Variants in SF3B3 observed in about 807,000 individuals in gnomAD.
The protein encoded by SF3B3 is splicing factor 3b subunit 3.
A neutral mutation model predicts 139.2 loss-of-function variants in SF3B3; 33 were observed. That is an observed-to-expected ratio of 0.24 (90% CI 0.18 to 0.32). SF3B3 has a LOEUF of 0.32. Among genes scored for constraint, SF3B3 ranks in the 10% least tolerant of loss-of-function variants. The pLI is 1.00. For synonymous variants in SF3B3, 596 were observed against 563.6 expected, an observed-to-expected ratio of 1.06 and a Z score of -0.81; for missense variants, 818 against 1,509.4, an observed-to-expected ratio of 0.54 and a Z score of 7.59.
intron 11 of SF3B3, among the ~76,000 whole-genome samples, chr16:70,553,780 A>C (rs532790036): frequency 1.2e-4 from 18 of 152,328 alleles, no homozygotes; most frequent in African/African-American, 3.1e-4. Context: ...AATTAGAAAA[A>C]GCAAATTCTA....
intron 11 of SF3B3, 47 bp from the exon 12 acceptor site, chr16:70,554,399 A>T (rs754316300): frequency 1.3e-6 from 2 of 1,591,758 alleles, no homozygotes. Flanking sequence ...TGGCTTTGTA[A>T]TTCTAATGAG....
intron 2 of SF3B3, among the ~76,000 whole-genome samples, chr16:70,528,122 A>C (rs1159891274): frequency 6.9e-6 from 1 of 144,352 alleles, no homozygotes; most frequent in African/African-American, 2.5e-5. Flanking sequence ...TCCTTTTCCA[A>C]TTCAGTCTTC....
At chr16:70,553,463 G>A (rs1231480272) in intron 11 of SF3B3, among the ~76,000 whole-genome samples, 1 of 152,150 alleles carries the variant, frequency 6.6e-6, no homozygotes, top group Non-Finnish European at 1.5e-5. Flanking sequence ...GTGGTGCCTT[G>A]TCTTGTTCTG....
At chr16:70,545,989 GTTGTTT>G (rs1393338698) in intron 10 of SF3B3, among the ~76,000 whole-genome samples, 1 of 152,102 alleles carries the variant, frequency 6.6e-6, no homozygotes, top group African/African-American at 2.4e-5. Flanking sequence ...TTTTGTTGTT[GTTGTTT>G]TTGTTTTTGT....
rs1254254982 is a variant in SF3B3 at position 70,538,429 on chromosome 16, T to G, written c.932T>G (p.Phe311Cys). ...GCTCAAACTGAGCAGGGAGATATCTTTAAGATCACTTTGGAGACAGATGAA... is the reference window on the plus strand; with the variant it reads ...GCTCAAACTGAGCAGGGAGATATCTGTAAGATCACTTTGGAGACAGATGAA... ...FLAQTEQGDI[F>C]KITLETDEDM... The change falls in exon 7 of 26, where the codon TTT (phenylalanine) becomes TGT (cysteine). Residue 311 changes from phenylalanine to cysteine, a missense_variant. By Grantham distance (205) the Phe-to-Cys change is radical (BLOSUM62 -2). Around this residue, in one of 14 missense-constraint regions of SF3B3, gnomAD observed 80 missense variants for 206.5 expected, o/e 0.39. Transcript: ENST00000302516. 1 of 1,613,808 alleles carries G rather than the reference T, an allele frequency of 6.2e-7. No individual in the cohort carries two copies. Among genetic ancestry groups the G allele is most frequent in the Non-Finnish European group, 8.5e-7 (1 of 1,179,798 alleles).
intron 4 of SF3B3, among the ~76,000 whole-genome samples, chr16:70,532,179 C>T (rs1014033224): frequency 2.0e-5 from 3 of 151,924 alleles, no homozygotes; most frequent in Non-Finnish European, 2.9e-5. Context: ...GTAATCCCAG[C>T]AACTCGGGAG....
chr16:70,533,720 A>G (rs1003160108), intron 5 of SF3B3, among the ~76,000 whole-genome samples: 1 of 152,216 alleles, frequency 6.6e-6, no homozygotes, highest in African/African-American at 2.4e-5. Context: ...TTCTATTTTG[A>G]ATCATTTGCA....
At chr16:70,570,217 A>C in intron 24 of SF3B3, 68 bp downstream of exon 24, 1 of 1,476,896 alleles carries the variant, frequency 6.8e-7, no homozygotes, top group Non-Finnish European at 9.3e-7. Flanking sequence ...TCTACCTAAG[A>C]GGTCAAATTC....
rs377405401 is a variant in SF3B3 at position 70,568,348 on chromosome 16, A to G, written c.3018A>G (p.Gln1006=). ...IGHRVIVSDV[Q]ESFIWVRYKR... is the part of the protein sequence containing the mutation. ...ATAGGGTAATTGTATCTGATGTCCA[A>G]GAAAGTTTCATCTGGGTTCGCTACA... The change falls in exon 22 of 26, where the codon CAA becomes CAG. Residue 1006 remains glutamine (Q), a synonymous_variant. Coordinates refer to ENST00000302516, the MANE Select transcript of SF3B3 (RefSeq NM_012426.5). 2 of 1,613,822 alleles carry G rather than the reference A, an allele frequency of 1.2e-6. No homozygotes were observed. The highest frequency in any genetic ancestry group is 1.3e-5 in the African/African-American group (1 of 74,928).
At chr16:70,558,737 T>C (rs2050401057) in intron 15 of SF3B3, among the ~76,000 whole-genome samples, 2 of 152,086 alleles carry the variant, frequency 1.3e-5, no homozygotes, top group South Asian at 4.1e-4. Flanking sequence ...GCTGGGTTTA[T>C]GGTGTGCACC....
Position 70,539,271 on chromosome 16 carries a change from G to T in SF3B3, c.1067+64G>T, listed in dbSNP as rs568169838. On this transcript the variant is annotated intron_variant, in intron 8 of 25. Coordinates refer to ENST00000302516, the MANE Select transcript of SF3B3 (RefSeq NM_012426.5). ...GGATAAAAGTTGGCAGCAGAAGCTG[G>T]GTGCAGTGGCTCACGGCCATAATCC... is the stretch of plus-strand genomic sequence containing the variant. 9 of 1,152,918 alleles carry T rather than the reference G, an allele frequency of 7.8e-6. No individual in the cohort carries two copies. In the Admixed American group the frequency reaches 1.5e-4, roughly 19 times the overall value. The allele number at this position is 1,152,918 out of a possible 1,614,324, so 71.4% of individuals were successfully genotyped here.
Position 70,563,950 on chromosome 16 carries a change from T to G in SF3B3, c.2363T>G (p.Phe788Cys). 6.2e-7 allele frequency: 1 copy of G among 1,614,096 alleles called. No homozygotes were observed. The highest frequency in any genetic ancestry group is 8.5e-7 in the Non-Finnish European group (1 of 1,180,012). ...AFPLQYTPRKFVIHPESNNLI... is the reference protein window; with the variant it reads ...AFPLQYTPRKCVIHPESNNLI... ...CCACTGCAGTACACACCCAGGAAAT[T>G]TGTCATCCACCCTGAGAGTAACAAC... The change falls in exon 18 of 26, where the codon TTT becomes TGT. Residue 788 changes from phenylalanine (F) to cysteine (C), a missense_variant. Transcript: ENST00000302516.
In SF3B3 at chr16:70,538,064, GAC is replaced by G. The variant is rs776911084; in HGVS notation, c.826-255_826-254del. 8 of 650,882 alleles carry G rather than the reference GAC, an allele frequency of 1.2e-5. No individual in the cohort carries two copies. In the African/African-American group the frequency reaches 1.4e-4, roughly 12 times the overall value. 40.3% of individuals were successfully genotyped at this position (650,882 alleles called of 1,614,324 possible). Reference sequence around the variant, plus strand: ...GTCTCTTCTCTGACATTTTTCTCTGGACACAGTTTTTGCCTTATGAATCTGAT... The same window carrying G: ...GTCTCTTCTCTGACATTTTTCTCTGGACAGTTTTTGCCTTATGAATCTGAT... On this transcript the variant is annotated intron_variant, in intron 6 of 25. Transcript: ENST00000302516.
intron 5 of SF3B3, among the ~76,000 whole-genome samples, chr16:70,535,092 A>G (rs2050154023): frequency 6.6e-6 from 1 of 152,190 alleles, no homozygotes; most frequent in Non-Finnish European, 1.5e-5. Flanking sequence ...AAACATTTGG[A>G]TACGTTATCC....
chr16:70,567,587 G>A (rs1243287822), intron 21 of SF3B3, 51 bp downstream of exon 21: 5 of 1,572,390 alleles, frequency 3.2e-6, no homozygotes, highest in Admixed American at 1.9e-5. Flanking sequence ...TCAAGGGTGG[G>A]GGCATTGGTG....
chr16:70,535,450 T>G (rs2050157315), intron 6 of SF3B3, 30 bp downstream of exon 6: 3 of 1,323,672 alleles, frequency 2.3e-6, no homozygotes, highest in African/African-American at 2.9e-5. Context: ...AAGAGAGAGA[T>G]TTGTGTTTAA....
At chr16:70,563,092 C>A (rs975292920) in intron 17 of SF3B3, among the ~76,000 whole-genome samples, 7 of 152,114 alleles carry the variant, frequency 4.6e-5, no homozygotes, top group African/African-American at 1.7e-4. Flanking sequence ...CTCAGCCTCC[C>A]AAGTAGCTGG....
chr16:70,547,383 A>T (rs889418379), intron 10 of SF3B3, among the ~76,000 whole-genome samples: 6 of 152,214 alleles, frequency 3.9e-5, no homozygotes, highest in Non-Finnish European at 8.8e-5. Context: ...TTAAATTTAT[A>T]AAAAAATTGC....
At position 70,569,017 on chromosome 16, in the gene SF3B3, G is replaced by A. The variant is rs545302628; in HGVS notation, c.3166-26G>A. On this transcript the variant is annotated intron_variant, in intron 22 of 25. Coordinates refer to ENST00000302516, the MANE Select transcript of SF3B3 (RefSeq NM_012426.5). ...AGGTGAGCAGGTCCGGGCCCCAGCA[G>A]TGTGACTTGTGTCACTTCCTTGTAG... 3.2e-6 allele frequency: 5 copies of A among 1,555,786 alleles called. No homozygotes were observed. In the South Asian group the frequency reaches 5.8e-5, roughly 18 times the overall value.
Sources: gnomAD v4.1 joint callset for allele counts (sites outside exome capture counted in the v4.1 genomes callset) on GRCh38, gnomAD v4.1.1 for gene constraint, gnomAD v4.1.1 regional missense constraint, MANE v1.5 for transcripts, NCBI Gene and HGNC (gene_info 2026-07-23, HGNC 2026-07-21) for gene names.